FHIP2B: variants seen among roughly 807,000 people sequenced by gnomAD.
FHIP2B encodes the protein FHF complex subunit HOOK interacting protein 2B, also known as FHF complex subunit HOOK-interacting protein 2B.
Under a neutral mutation model 84.0 loss-of-function variants are expected in FHIP2B, and 72 were observed. The ratio of observed to expected loss-of-function variants is 0.86; its 90% confidence interval spans 0.71 to 1.04. The LOEUF (loss-of-function observed/expected upper bound fraction) is 1.04. Among genes scored for constraint, FHIP2B ranks in the 50% least tolerant of loss-of-function variants. FHIP2B has a pLI of 0.00. For synonymous variants in FHIP2B, 497 were observed against 418.7 expected, an observed-to-expected ratio of 1.19 and a Z score of -2.28; for missense variants, 972 against 968.9, an observed-to-expected ratio of 1.00 and a Z score of -0.04.
At chr8:22,099,448 C>G (rs1280294982) in intron 9 of FHIP2B, 88 bp downstream of exon 9, 3 of 1,368,380 alleles carry the variant, frequency 2.2e-6, no homozygotes, top group Non-Finnish European at 3.0e-6. Flanking sequence ...AGGCCAGACA[C>G]CTTCTTGACC....
chr8:22,091,838 A>C (rs967243327), intron 1 of FHIP2B, among the ~76,000 whole-genome samples: 1 of 152,334 alleles, frequency 6.6e-6, no homozygotes, highest in East Asian at 1.9e-4. Context: ...GGACTTTCTA[A>C]AACAAGGAAC....
intron 15 of FHIP2B, 23 bp from the exon 16 acceptor site, chr8:22,102,505 G>A: frequency 6.4e-7 from 1 of 1,551,524 alleles, no homozygotes; most frequent in Non-Finnish European, 8.7e-7. Context: ...CCCCATCTGA[G>A]TCCCCTGTGA....
chr8:22,089,601 G>GCCTCCC (rs1825359367), intron 1 of FHIP2B, among the ~76,000 whole-genome samples: 1 of 151,978 alleles, frequency 6.6e-6, no homozygotes, highest in African/African-American at 2.4e-5. Context: ...CGCCTCCGCC[G>GCCTCCC]GGACGCTCCC....
At chr8:22,094,630 G>T in intron 2 of FHIP2B, 112 bp downstream of exon 2, 2 of 1,556,998 alleles carry the variant, frequency 1.3e-6, no homozygotes, top group Non-Finnish European at 1.7e-6. Context: ...CAGTCGTTCA[G>T]AATTGGAGCC....
chr8:22,099,093 G>T lies in FHIP2B; in HGVS notation c.1074+37G>T, dbSNP rs375863093. 9 of 1,532,716 alleles carry T rather than the reference G, an allele frequency of 5.9e-6. No homozygotes were observed. In the African/African-American group the frequency reaches 1.2e-4, roughly 21 times the overall value. 94.9% of individuals were successfully genotyped at this position (1,532,716 alleles called of 1,614,324 possible). On this transcript the variant is annotated intron_variant, in intron 8 of 16. Coordinates refer to ENST00000289921, the MANE Select transcript of FHIP2B (RefSeq NM_022749.7). The stretch of plus-strand genomic sequence containing the variant: ...CGGGCGGAGGCCGGGCTCTCATGCT[G>T]TTCCCTGTACCATCTCCATCTCGAG...
Position 22,103,270 on chromosome 8 carries a change from A to C in FHIP2B, c.*339A>C, listed in dbSNP as rs745747734. ...ATTTGTGGCCAGGGCCAAGCCTGTG[A>C]CTCAACTCCAGGGGCAAGATGGGGA... is the stretch of plus-strand genomic sequence containing the variant. On this transcript the variant is annotated 3_prime_UTR_variant, in exon 17 of 17. Transcript: ENST00000289921. 44 of 252,946 alleles carry C rather than the reference A, an allele frequency of 1.7e-4. No homozygotes were observed. The Middle Eastern group carries it at 3.8e-3, about 22-fold the overall frequency. The allele number at this position is 252,946 out of a possible 1,614,324, so 15.7% of individuals were successfully genotyped here.
chr8:22,101,291 G>A (rs947615435), intron 12 of FHIP2B, 149 bp from the exon 13 acceptor site: 1 of 691,242 alleles, frequency 1.4e-6, no homozygotes, highest in Non-Finnish European at 2.4e-6. Flanking sequence ...CCAAAGTGCT[G>A]GGATTACAGA....
rs1287733305 is a variant in FHIP2B, at chr8:22,104,824, C to T, written c.*1893C>T. 1 of 132,416 alleles carries T rather than the reference C, an allele frequency of 7.6e-6. No individual in the cohort carries two copies. Among genetic ancestry groups the T allele is most frequent in the Non-Finnish European group, 1.6e-5 (1 of 61,740 alleles). 8.2% of individuals were successfully genotyped at this position (132,416 alleles called of 1,614,324 possible). On this transcript the variant is annotated 3_prime_UTR_variant, in exon 17 of 17. Coordinates refer to ENST00000289921, the MANE Select transcript of FHIP2B (RefSeq NM_022749.7). ...CTCCAGCCTGGGCAATAGAGTAAGACCCTGTCTAAAAAAAAAAAAAAAAAA... is the reference window on the plus strand; with the variant it reads ...CTCCAGCCTGGGCAATAGAGTAAGATCCTGTCTAAAAAAAAAAAAAAAAAA...
At position 22,096,483 on chromosome 8, in the gene FHIP2B, ACT is replaced by A. The variant is rs1011943741; in HGVS notation, c.276_277del (p.Cys93HisfsTer84). 1.8e-5 allele frequency: 28 copies of A among 1,544,010 alleles called. No homozygotes were observed. Among genetic ancestry groups the A allele is most frequent in the Non-Finnish European group, 2.3e-5 (26 of 1,143,596 alleles). On this transcript the variant is annotated frameshift_variant, in exon 3 of 17. Coordinates refer to ENST00000289921, the MANE Select transcript of FHIP2B (RefSeq NM_022749.7). LOFTEE classifies it high-confidence loss of function. ...EYLLQHKILE[T>X]LCTLGKAEYP... ...CCTGCTGCAGCACAAGATCCTGGAG[ACT>A]CTCTGCACGCTGGGCAAGGCCGAGG...
Position 22,103,055 on chromosome 8 carries a change from A to C in FHIP2B, c.*124A>C. 1 of 1,277,028 alleles carries C rather than the reference A, an allele frequency of 7.8e-7. No homozygotes were observed. Among genetic ancestry groups the C allele is most frequent in the Non-Finnish European group, 1.1e-6 (1 of 944,884 alleles). 79.1% of individuals were successfully genotyped at this position (1,277,028 alleles called of 1,614,324 possible). ...TCTGCTCCCGGGCTCACTCAAGGAG[A>C]CTGCGGCATGTTGACCACACCAGAC... On this transcript the variant is annotated 3_prime_UTR_variant, in exon 17 of 17. Transcript: ENST00000289921.
rs370807518 is a variant in FHIP2B at position 22,104,831 on chromosome 8, T to TTAA, written c.*1900_*1901insTAA. On this transcript the variant is annotated 3_prime_UTR_variant, in exon 17 of 17. Coordinates refer to ENST00000289921, the MANE Select transcript of FHIP2B (RefSeq NM_022749.7). ...CTGGGCAATAGAGTAAGACCCTGTC[T>TTAA]AAAAAAAAAAAAAAAAAATTTCACA... 4 of 126,520 alleles carry TTAA rather than the reference T, an allele frequency of 3.2e-5. No homozygotes were observed. The highest frequency in any genetic ancestry group is 2.3e-4 in the East Asian group (1 of 4,428). 7.8% of individuals were successfully genotyped at this position (126,520 alleles called of 1,614,324 possible).
intron 3 of FHIP2B, chr8:22,096,934 C>T (rs572236194): frequency 2.6e-4 from 43 of 163,996 alleles, no homozygotes; most frequent in Admixed American, 2.0e-3. Flanking sequence ...GCCCCAGCTA[C>T]GTGGGAGGCC....
intron 7 of FHIP2B, 145 bp downstream of exon 7, chr8:22,098,764 G>A (rs1046426695): frequency 2.0e-4 from 209 of 1,026,022 alleles, no homozygotes; most frequent in Non-Finnish European, 2.6e-4. Context: ...TGATCCCCAG[G>A]GGACTTCTTG....
At chr8:22,091,015 C>T (rs1021466345) in intron 1 of FHIP2B, among the ~76,000 whole-genome samples, 2 of 152,056 alleles carry the variant, frequency 1.3e-5, no homozygotes, top group African/African-American at 4.8e-5. Flanking sequence ...GGTGATCTTC[C>T]GGGCCCTTTA....
At position 22,103,258 on chromosome 8, in the gene FHIP2B, G is replaced by A. The variant is rs979995816; in HGVS notation, c.*327G>A. The A allele has an allele frequency of 7.2e-6, 2 of 278,668 alleles. No individual in the cohort carries two copies. The highest frequency in any genetic ancestry group is 4.9e-5 in the Admixed American group (1 of 20,538). The allele number at this position is 278,668 out of a possible 1,614,324, so 17.3% of individuals were successfully genotyped here. A position where few individuals can be genotyped will look rare whatever the true frequency, so the allele number is the denominator to read the frequency against. ...TCTGTACTGGCCATTTGTGGCCAGG[G>A]CCAAGCCTGTGACTCAACTCCAGGG... On this transcript the variant is annotated 3_prime_UTR_variant, in exon 17 of 17. Transcript: ENST00000289921.
chr8:22,091,678 C>A (rs923018171), intron 1 of FHIP2B, among the ~76,000 whole-genome samples: 6 of 152,202 alleles, frequency 3.9e-5, no homozygotes, highest in African/African-American at 1.4e-4. Flanking sequence ...GCTGGTTAAC[C>A]TGCCTCTCCC....
chr8:22,097,150 G>C (rs1439617737), intron 3 of FHIP2B: 2 of 319,678 alleles, frequency 6.3e-6, no homozygotes, highest in Non-Finnish European at 1.2e-5. Flanking sequence ...TGCAGGAAAA[G>C]GGGTTGTGAG....
At chr8:22,102,415 C>A in intron 15 of FHIP2B, 100 bp downstream of exon 15, 2 of 1,512,832 alleles carry the variant, frequency 1.3e-6, no homozygotes. Context: ...GGGTGGGCAC[C>A]CTTGCCAGTG....
intron 2 of FHIP2B, chr8:22,094,731 A>G: frequency 7.3e-7 from 1 of 1,360,658 alleles, no homozygotes; most frequent in Non-Finnish European, 9.4e-7. Context: ...TCCCACTCTG[A>G]CCTTTTGGAA....
Sources: gnomAD v4.1 joint callset for allele counts (sites outside exome capture counted in the v4.1 genomes callset) on GRCh38, gnomAD v4.1.1 for gene constraint, MANE v1.5 for transcripts, NCBI Gene and HGNC (gene_info 2026-07-23, HGNC 2026-07-21) for gene names.